Variants in TOGARAM1 observed in about 807,000 individuals in gnomAD.
TOGARAM1 encodes TOG array regulator of axonemal microtubules 1, also known as TOG array regulator of axonemal microtubules protein 1.
A neutral mutation model predicts 166.6 loss-of-function variants in TOGARAM1; 100 were observed. The ratio of observed to expected loss-of-function variants is 0.60; its 90% CI spans 0.51 to 0.71. TOGARAM1 has a LOEUF of 0.71. TOGARAM1 is among the 30% of genes least tolerant of loss of function. The pLI is 0.00. For synonymous variants in TOGARAM1, 758 were observed against 763.8 expected, an observed-to-expected ratio of 0.99 and a Z score of 0.13; for missense variants, 2,029 against 2,102.7, an observed-to-expected ratio of 0.96 and a Z score of 0.69.
chr14:44,969,158 CTTTT>C (rs1489993352), intron 1 of TOGARAM1, among the ~76,000 whole-genome samples: 4 of 127,472 alleles, frequency 3.1e-5, no homozygotes, highest in Non-Finnish European at 6.4e-5. Flanking sequence ...TTCTTTCTTT[CTTTT>C]CTTTCTTTTC....
Position 45,025,614 on chromosome 14 carries a change from T to C in TOGARAM1, c.3239-169T>C, listed in dbSNP as rs573416207. ...GGTTTAAGTGCCTAGTCCATTCTAGTATTGCAGTTACAAACATTTATAATG... is the reference window on the plus strand; with the variant it reads ...GGTTTAAGTGCCTAGTCCATTCTAGCATTGCAGTTACAAACATTTATAATG... On this transcript the variant is annotated intron_variant, in intron 7 of 19. Coordinates refer to ENST00000361462, the MANE Select transcript of TOGARAM1 (RefSeq NM_001308120.2). The C allele has an allele frequency of 8.7e-4, 447 of 510,984 alleles. 8 individuals carry two copies. The South Asian group carries it at 0.012, about 14-fold the overall frequency. 31.7% of individuals were successfully genotyped at this position (510,984 alleles called of 1,614,324 possible). A position where few individuals can be genotyped will look rare whatever the true frequency, so the allele number is the denominator to read the frequency against.
At chr14:44,966,564 T>G (rs1189125936) in intron 1 of TOGARAM1, among the ~76,000 whole-genome samples, 1 of 152,156 alleles carries the variant, frequency 6.6e-6, no homozygotes. Flanking sequence ...CCTGCAATTC[T>G]TTTTTTCTTG....
chr14:44,967,296 A>G (rs1209269821), intron 1 of TOGARAM1, among the ~76,000 whole-genome samples: 1 of 152,168 alleles, frequency 6.6e-6, no homozygotes, highest in African/African-American at 2.4e-5. Context: ...CTTCGTTCAC[A>G]ATAAAATCCC....
At chr14:45,038,449 C>T (rs1191476215) in intron 11 of TOGARAM1, among the ~76,000 whole-genome samples, 1 of 152,218 alleles carries the variant, frequency 6.6e-6, no homozygotes, top group Non-Finnish European at 1.5e-5. Context: ...GGCCACTGCA[C>T]ACAGCCAGGC....
At chr14:44,976,731 G>C (rs905244826) in intron 1 of TOGARAM1, among the ~76,000 whole-genome samples, 1 of 152,136 alleles carries the variant, frequency 6.6e-6, no homozygotes, top group African/African-American at 2.4e-5. Context: ...AATAAGACCA[G>C]CACATGATAC....
chr14:45,000,205 A>G (rs1384536628), intron 3 of TOGARAM1, among the ~76,000 whole-genome samples: 2 of 151,944 alleles, frequency 1.3e-5, no homozygotes, highest in Non-Finnish European at 2.9e-5. Flanking sequence ...CACCATATTG[A>G]TCAGGGTGGT....
chr14:44,999,378 A>G lies in TOGARAM1; in HGVS notation c.2219A>G (p.His740Arg), dbSNP rs1887586100. Residue 740 changes from histidine (H) to arginine (R), a missense_variant, in exon 3 of 20, where the codon CAT (histidine) becomes CGT (arginine). His to Arg is a conservative substitution (Grantham distance 29). Transcript: ENST00000361462. Reference sequence around the variant, plus strand: ...TCTTCAAAAGGTACTACTGGGACTCATCAAACAAATCTTTCTGGGAAATGT... The same window carrying G: ...TCTTCAAAAGGTACTACTGGGACTCGTCAAACAAATCTTTCTGGGAAATGT... The part of the protein sequence containing the change: ...PLCAAGTTGT[H>R]QTNLSGKCAQ... The G allele has an allele frequency of 1.2e-6, 2 of 1,609,298 alleles. No homozygotes were observed. The highest frequency in any genetic ancestry group is 2.7e-5 in the African/African-American group (2 of 74,858).
chr14:45,035,055 T>TCTGA (rs1881353142), intron 11 of TOGARAM1, among the ~76,000 whole-genome samples: 1 of 152,156 alleles, frequency 6.6e-6, no homozygotes, highest in South Asian at 2.1e-4. Flanking sequence ...AGCTATAATG[T>TCTGA]CTGAGATAGG....
At position 44,963,531 on chromosome 14, in the gene TOGARAM1, G is replaced by A. The variant is rs1315597005; in HGVS notation, c.1110G>A (p.Gln370=). Residue 370 remains glutamine (Q), a synonymous_variant, in exon 1 of 20, where the codon CAG becomes CAA. Transcript: ENST00000361462. ...LDQEDYKNRT[Q]AVEELKQVLG... Reference sequence around the variant, plus strand: ...AGGAAGACTATAAGAACCGGACCCAGGCCGTCGAAGAACTAAAGCAGGTGC... The same window carrying A: ...AGGAAGACTATAAGAACCGGACCCAAGCCGTCGAAGAACTAAAGCAGGTGC... The A allele has an allele frequency of 1.2e-6, 2 of 1,613,988 alleles. No homozygotes were observed. The highest frequency in any genetic ancestry group is 1.7e-6 in the Non-Finnish European group (2 of 1,179,964).
intron 1 of TOGARAM1, among the ~76,000 whole-genome samples, chr14:44,970,723 T>G (rs1566597087): frequency 1.3e-5 from 2 of 152,164 alleles, no homozygotes; most frequent in Non-Finnish European, 2.9e-5. Context: ...GTATTCCTAG[T>G]TTGCTGAGAG....
At chr14:45,031,736 A>G (rs1483439708) in intron 10 of TOGARAM1, among the ~76,000 whole-genome samples, 1 of 152,210 alleles carries the variant, frequency 6.6e-6, no homozygotes, top group Non-Finnish European at 1.5e-5. Context: ...TTTGCATATA[A>G]AAAGTAAAGT....
chr14:45,023,452 T>A (rs570510680), intron 7 of TOGARAM1, among the ~76,000 whole-genome samples: 1 of 152,324 alleles, frequency 6.6e-6, no homozygotes, highest in East Asian at 1.9e-4. Context: ...GTTCACATCA[T>A]GAGATGTCCA....
intron 18 of TOGARAM1, among the ~76,000 whole-genome samples, chr14:45,069,949 G>A (rs911017872): frequency 9.2e-5 from 14 of 152,138 alleles, no homozygotes; most frequent in Admixed American, 6.5e-4. Context: ...TTGGGAGGCC[G>A]AGGCAGGCAG....
chr14:45,028,908 A>G (rs974598877), intron 10 of TOGARAM1, among the ~76,000 whole-genome samples: 1 of 152,170 alleles, frequency 6.6e-6, no homozygotes, highest in Non-Finnish European at 1.5e-5. Context: ...TGAAATATAA[A>G]CACTATTAAA....
chr14:45,073,340 C>G lies in TOGARAM1; in HGVS notation c.5101C>G (p.Gln1701Glu). ...LYQRKPHATE[Q>E]KVLVVLWHLL... ...TCAAAGGAAGCCGCATGCCACAGAG[C>G]AGAAAGTGTTGGTTGTTTTATGGCA... Residue 1701 changes from glutamine (Q) to glutamate (E), a missense_variant, in exon 20 of 20, where the codon CAG (glutamine) becomes GAG (glutamate). Around this residue, in one of 2 missense-constraint regions of TOGARAM1, gnomAD observed 576 missense variants for 670.5 expected, o/e 0.86. Coordinates refer to ENST00000361462, the MANE Select transcript of TOGARAM1 (RefSeq NM_001308120.2). 3 of 1,614,116 alleles carry G rather than the reference C, an allele frequency of 1.9e-6. No homozygotes were observed. The highest frequency in any genetic ancestry group is 2.5e-6 in the Non-Finnish European group (3 of 1,180,008).
At chr14:45,033,392 G>T (rs1283338275) in intron 11 of TOGARAM1, among the ~76,000 whole-genome samples, 1 of 152,072 alleles carries the variant, frequency 6.6e-6, no homozygotes, top group African/African-American at 2.4e-5. Flanking sequence ...TTTAGACTTT[G>T]CAGGGCAGAT....
Position 45,073,757 on chromosome 14 carries a change from A to T in TOGARAM1, c.*196A>T. On this transcript the variant is annotated 3_prime_UTR_variant, in exon 20 of 20. Transcript: ENST00000361462. ...TATATTCATCACATAAAAACCTAAAATATTCATGAATAATTCATGAAATCT... is the reference window on the plus strand; with the variant it reads ...TATATTCATCACATAAAAACCTAAATTATTCATGAATAATTCATGAAATCT... 1 of 444,876 alleles carries T rather than the reference A, an allele frequency of 2.2e-6. No homozygotes were observed. Among genetic ancestry groups the T allele is most frequent in the Non-Finnish European group, 3.9e-6 (1 of 254,206 alleles). The allele number at this position is 444,876 out of a possible 1,614,324, so 27.6% of individuals were successfully genotyped here. A position where few individuals can be genotyped will look rare whatever the true frequency, so the allele number is the denominator to read the frequency against.
At chr14:45,007,931 T>C (rs1879559529) in intron 5 of TOGARAM1, 1 of 152,180 alleles carries the variant, frequency 6.6e-6, no homozygotes, top group Non-Finnish European at 1.5e-5. Context: ...TCAGAAAGTA[T>C]GTGGTAGGAC....
intron 1 of TOGARAM1, among the ~76,000 whole-genome samples, chr14:44,968,593 A>C (rs1885693243): frequency 6.6e-6 from 1 of 152,198 alleles, no homozygotes; most frequent in South Asian, 2.1e-4. Context: ...GCAACTTTCA[A>C]CAGAGAGTAC....
Sources: allele counts gnomAD v4.1 joint callset (sites outside exome capture counted in the v4.1 genomes callset), GRCh38; gene constraint gnomAD v4.1.1; regional missense constraint gnomAD v4.1.1; transcripts MANE v1.5; gene names NCBI Gene and HGNC (gene_info 2026-07-23, HGNC 2026-07-21).